ENPP6: variants seen among roughly 807,000 people sequenced by gnomAD.
ENPP6 encodes ectonucleotide pyrophosphatase/phosphodiesterase 6, also known as glycerophosphocholine cholinephosphodiesterase ENPP6.
Under a neutral mutation model 42.0 loss-of-function variants are expected in ENPP6, and 32 were observed. The ratio of observed to expected loss-of-function variants is 0.76; its 90% CI spans 0.58 to 1.02. The LOEUF (loss-of-function observed/expected upper bound fraction) is 1.02, where lower values mean the gene tolerates loss of function less well. Ranked by LOEUF, ENPP6 falls within the 50% of genes least tolerant of loss-of-function variation. The probability of loss-of-function intolerance (pLI) is 0.00; values close to 1 mark genes in which losing one functional copy is unlikely to be tolerated. For synonymous variants in ENPP6, 213 were observed against 216.0 expected (o/e 0.99, Z 0.12); for missense variants, 552 against 566.8 (o/e 0.97, Z 0.27).
In ENPP6 at chr4:184,153,682, G is replaced by A. The variant is rs1737097066; in HGVS notation, c.293C>T (p.Thr98Ile). The part of the protein sequence containing the change: ...QMIGNYMWDP[T>I]TNKSFDIGVN... ...GCCAATGTCAAAGGACTTGTTGGTG[G>A]TGGGGTCCCACATGTAGTTCCCGAT... The change falls in exon 2 of 8, where the codon ACC (threonine) becomes ATC (isoleucine). Residue 98 changes from threonine (T) to isoleucine (I), a missense_variant. Transcript: ENST00000296741. 3 of 1,614,058 alleles carry A rather than the reference G, an allele frequency of 1.9e-6. No homozygotes were observed. Among genetic ancestry groups the A allele is most frequent in the African/African-American group, 2.7e-5 (2 of 74,920 alleles).
intron 1 of ENPP6, among the ~76,000 whole-genome samples, chr4:184,210,732 C>T (rs1280475885): frequency 4.0e-5 from 6 of 148,464 alleles, no homozygotes; most frequent in South Asian, 2.2e-4. Context: ...CTGCACCAAG[C>T]GGACCTAATA....
chr4:184,131,479 G>A (rs188806175), intron 2 of ENPP6, among the ~76,000 whole-genome samples: 5 of 149,982 alleles, frequency 3.3e-5, no homozygotes, highest in East Asian at 3.9e-4. Context: ...TAGCCTCCCC[G>A]AGTAGCTGGG....
At chr4:184,174,701 C>T (rs576164920) in intron 1 of ENPP6, among the ~76,000 whole-genome samples, 4 of 152,328 alleles carry the variant, frequency 2.6e-5, no homozygotes, top group Non-Finnish European at 4.4e-5. Context: ...AAGTATCTTA[C>T]GATATTACTT....
intron 1 of ENPP6, among the ~76,000 whole-genome samples, chr4:184,163,441 T>C (rs1329017199): frequency 6.6e-6 from 1 of 152,144 alleles, no homozygotes; most frequent in Non-Finnish European, 1.5e-5. Flanking sequence ...GCTTCTCATA[T>C]CACACTCTTC....
At chr4:184,212,725 T>C (rs1260449925) in intron 1 of ENPP6, among the ~76,000 whole-genome samples, 1 of 151,836 alleles carries the variant, frequency 6.6e-6, no homozygotes, top group Non-Finnish European at 1.5e-5. Context: ...CTTCACAGAA[T>C]TGGAAAAAAC....
At chr4:184,163,120 T>C (rs6837510) in intron 1 of ENPP6, among the ~76,000 whole-genome samples, 12,733 of 152,194 alleles carry the variant, frequency 0.084, 731 homozygotes, top group African/African-American at 0.16. Context: ...GTGGATTTTT[T>C]GAGAAAATCA....
chr4:184,117,214 G>T (rs535639298), intron 4 of ENPP6, among the ~76,000 whole-genome samples, 179 bp from the exon 5 acceptor site: 2 of 152,266 alleles, frequency 1.3e-5, no homozygotes, highest in African/African-American at 4.8e-5. Flanking sequence ...TTTGCGGAGG[G>T]GACTGTGAGG....
chr4:184,174,179 C>G (rs1451226431), intron 1 of ENPP6, among the ~76,000 whole-genome samples: 1 of 149,674 alleles, frequency 6.7e-6, no homozygotes, highest in South Asian at 2.1e-4. Context: ...ACTCTGTCAC[C>G]GAGGCTGGAG....
rs533780014 is a variant in ENPP6 at position 184,116,843 on chromosome 4, G to T, written c.855+13C>A. ...CACATGGCCCTCCTCCGCCCCCCACGGGTCTGTCTTGCCTCAGAGTGTTTC... is the reference window on the plus strand; with the variant it reads ...CACATGGCCCTCCTCCGCCCCCCACTGGTCTGTCTTGCCTCAGAGTGTTTC... On this transcript the variant is annotated intron_variant, in intron 5 of 7. Coordinates refer to ENST00000296741, the MANE Select transcript of ENPP6 (RefSeq NM_153343.4). 6.2e-7 allele frequency: 1 copy of T among 1,612,632 alleles called. No homozygotes were observed. Among genetic ancestry groups the T allele is most frequent in the South Asian group, 1.1e-5 (1 of 91,018 alleles).
intron 2 of ENPP6, among the ~76,000 whole-genome samples, chr4:184,145,881 A>G (rs1736909929): frequency 6.6e-6 from 1 of 152,174 alleles, no homozygotes; most frequent in South Asian, 2.1e-4. Flanking sequence ...GAATAAATGG[A>G]GTATTATGCA....
chr4:184,164,775 C>A (rs940303596), intron 1 of ENPP6, among the ~76,000 whole-genome samples: 1 of 152,196 alleles, frequency 6.6e-6, no homozygotes, highest in African/African-American at 2.4e-5. Context: ...CTATTGTTAG[C>A]CCCGCTTTCC....
intron 1 of ENPP6, among the ~76,000 whole-genome samples, chr4:184,172,138 G>T (rs1737479086): frequency 6.6e-6 from 1 of 152,202 alleles, no homozygotes; most frequent in Admixed American, 6.5e-5. Flanking sequence ...GAAGGAAGAA[G>T]TGTGGGCAAT....
intron 2 of ENPP6, among the ~76,000 whole-genome samples, chr4:184,127,505 G>A (rs1362483589): frequency 1.3e-5 from 2 of 152,156 alleles, no homozygotes; most frequent in Non-Finnish European, 2.9e-5. Flanking sequence ...TATTTAAAAC[G>A]CAGAGGTGGG....
At chr4:184,183,452 T>C (rs1355716439) in intron 1 of ENPP6, among the ~76,000 whole-genome samples, 11 of 152,068 alleles carry the variant, frequency 7.2e-5, no homozygotes, top group Admixed American at 7.2e-4. Flanking sequence ...AATTCTCCTT[T>C]TACAATTTAA....
chr4:184,161,383 T>G (rs1041235347), intron 1 of ENPP6, among the ~76,000 whole-genome samples: 1 of 150,518 alleles, frequency 6.6e-6, no homozygotes, highest in East Asian at 1.9e-4. Context: ...CAAAAAATAA[T>G]AGATATTGGC....
chr4:184,110,817 C>T (rs567890385), intron 6 of ENPP6, among the ~76,000 whole-genome samples: 2 of 152,314 alleles, frequency 1.3e-5, no homozygotes, highest in Admixed American at 1.3e-4. Context: ...GTTTAAGCCA[C>T]ATTTATCAAA....
At chr4:184,149,226 G>T (rs939544300) in intron 2 of ENPP6, among the ~76,000 whole-genome samples, 5 of 152,208 alleles carry the variant, frequency 3.3e-5, no homozygotes, top group Admixed American at 2.0e-4. Flanking sequence ...CTCTGTATGA[G>T]CAATGCTGAG....
chr4:184,112,754 A>T lies in ENPP6; in HGVS notation c.911T>A (p.Ile304Asn). 1.2e-6 allele frequency: 2 copies of T among 1,614,108 alleles called. No homozygotes were observed. Among genetic ancestry groups the T allele is most frequent in the South Asian group, 2.2e-5 (2 of 91,082 alleles). ...TTTCTTGTAATAGAACCTGCTTGGG[A>T]TGGCTTCTTTCTCGTAGACAGTCAT... ...EHMTVYEKEA[I>N]PSRFYYKKGK... Residue 304 changes from isoleucine (I) to asparagine (N), a missense_variant, in exon 6 of 8, where the codon ATC becomes AAC. By Grantham distance (149) the Ile-to-Asn change is moderately radical. Coordinates refer to ENST00000296741, the MANE Select transcript of ENPP6 (RefSeq NM_153343.4).
At chr4:184,181,440 G>T (rs564527545) in intron 1 of ENPP6, among the ~76,000 whole-genome samples, 7 of 152,214 alleles carry the variant, frequency 4.6e-5, no homozygotes, top group Admixed American at 2.0e-4. Context: ...ACTGCCCGAA[G>T]TAATTTATAG....
Sources: allele counts gnomAD v4.1 joint callset (sites outside exome capture counted in the v4.1 genomes callset), GRCh38; gene constraint gnomAD v4.1.1; transcripts MANE v1.5; gene names NCBI Gene and HGNC (gene_info 2026-07-23, HGNC 2026-07-21).